AGMO: variants seen among roughly 807,000 people sequenced by gnomAD.
AGMO encodes glyceryl-ether monooxygenase.
Under a neutral mutation model 60.2 loss-of-function variants are expected in AGMO, and 75 were observed. The ratio of observed to expected loss-of-function variants is 1.25; its 90% CI spans 1.03 to 1.51. The LOEUF (loss-of-function observed/expected upper bound fraction) is 1.51. Ranked by LOEUF, AGMO falls within the 40% of genes most tolerant of loss-of-function variation. The pLI is 0.00. For missense variants in AGMO, 763 were observed against 525.5 expected (o/e 1.45, Z -4.42); for synonymous variants, 261 against 177.1 (o/e 1.47, Z -3.76).
chr7:15,345,216 G>C (rs1399765176), intron 12 of AGMO, among the ~76,000 whole-genome samples: 3 of 152,120 alleles, frequency 2.0e-5, no homozygotes, highest in Non-Finnish European at 4.4e-5. Context: ...ATACCCATCA[G>C]TTTCTGATAT....
At chr7:15,241,399 G>A (rs939441171) in intron 12 of AGMO, among the ~76,000 whole-genome samples, 3 of 137,416 alleles carry the variant, frequency 2.2e-5, no homozygotes, top group Non-Finnish European at 4.6e-5. Flanking sequence ...GGCGGAGCTT[G>A]CAGTGAGCCG....
At chr7:15,264,968 A>C (rs2063173262) in intron 12 of AGMO, among the ~76,000 whole-genome samples, 1 of 152,168 alleles carries the variant, frequency 6.6e-6, no homozygotes, top group South Asian at 2.1e-4. Context: ...TCTATCAAGA[A>C]GACACATGCA....
chr7:15,228,967 A>G (rs1479569715), intron 12 of AGMO, among the ~76,000 whole-genome samples: 2 of 152,144 alleles, frequency 1.3e-5, no homozygotes, highest in Non-Finnish European at 2.9e-5. Flanking sequence ...ACAGCTAGAC[A>G]GCTGAGCAGC....
intron 10 of AGMO, among the ~76,000 whole-genome samples, chr7:15,375,561 T>TA (rs574723923): frequency 1.6e-4 from 25 of 152,064 alleles, no homozygotes; most frequent in Admixed American, 5.9e-4. Context: ...CGCACCCAGC[T>TA]AATTTTTGTA....
At chr7:15,511,583 G>C (rs546707286) in intron 3 of AGMO, among the ~76,000 whole-genome samples, 1 of 152,124 alleles carries the variant, frequency 6.6e-6, no homozygotes, top group South Asian at 2.1e-4. Context: ...GGTGACTATA[G>C]ACAAAGTACT....
chr7:15,408,119 C>T (rs1470126323), intron 5 of AGMO, among the ~76,000 whole-genome samples: 1 of 151,808 alleles, frequency 6.6e-6, no homozygotes, highest in Non-Finnish European at 1.5e-5. Context: ...TGTGCAAATA[C>T]AGATAACCCC....
At chr7:15,118,876 A>ATTTTTT in the AGMO span, among the ~76,000 whole-genome samples, 34 of 81,752 alleles carry the variant, frequency 4.2e-4, 3 homozygotes, top group East Asian at 3.8e-3. Context: ...AGACGTCAGT[A>ATTTTTT]TTTTTTTTTT....
At chr7:15,475,971 A>G (rs1282530278) in intron 3 of AGMO, among the ~76,000 whole-genome samples, 1 of 152,114 alleles carries the variant, frequency 6.6e-6, no homozygotes, top group Non-Finnish European at 1.5e-5. Flanking sequence ...ATGACGTAAT[A>G]GAGCATCAGC....
chr7:15,228,204 A>C (rs1228347937), intron 12 of AGMO, among the ~76,000 whole-genome samples: 1 of 152,138 alleles, frequency 6.6e-6, no homozygotes, highest in East Asian at 1.9e-4. Context: ...TAATAGTAGA[A>C]GTCTACTTTG....
intron 12 of AGMO, among the ~76,000 whole-genome samples, chr7:15,362,781 T>C (rs991109063): frequency 2.0e-5 from 3 of 152,210 alleles, no homozygotes; most frequent in African/African-American, 7.2e-5. Context: ...CAAAATTCTT[T>C]TGCAGTTAAA....
intron 2 of AGMO, among the ~76,000 whole-genome samples, chr7:15,559,324 TGTCA>T (rs1292719435): frequency 6.6e-6 from 1 of 152,100 alleles, no homozygotes; most frequent in African/African-American, 2.4e-5. Flanking sequence ...GTAAGCATCA[TGTCA>T]TGTGATAATT....
chr7:15,498,987 G>C (rs995305769), intron 3 of AGMO, among the ~76,000 whole-genome samples: 37 of 151,924 alleles, frequency 2.4e-4, no homozygotes, highest in African/African-American at 8.9e-4. Flanking sequence ...AGATATACAT[G>C]CTGAGAGTAG....
At chr7:15,331,175 A>AG (rs1781489202) in intron 12 of AGMO, among the ~76,000 whole-genome samples, 1 of 152,176 alleles carries the variant, frequency 6.6e-6, no homozygotes, top group Non-Finnish European at 1.5e-5. Context: ...GTCCTACTCT[A>AG]GCCTTTAAAT....
At position 15,450,247 on chromosome 7, in the gene AGMO, C is replaced by T. The variant is rs528197668; in HGVS notation, c.410-19139G>A. Among the ~76,000 whole-genome samples, 3 of 151,914 alleles carry T rather than the reference C, an allele frequency of 2.0e-5. No individual in the cohort carries two copies. The South Asian group carries it at 6.2e-4, about 32-fold the overall frequency. Reference sequence around the variant, plus strand: ...CATCCTGGCTAACACGGTGAAACCCCGTCTCTACTAAAAATACACAAAATT... The same window carrying T: ...CATCCTGGCTAACACGGTGAAACCCTGTCTCTACTAAAAATACACAAAATT... On this transcript the variant is annotated intron_variant, in intron 3 of 12. Coordinates refer to ENST00000342526, the MANE Select transcript of AGMO (RefSeq NM_001004320.2).
intron 5 of AGMO, among the ~76,000 whole-genome samples, chr7:15,401,734 G>A (rs1784557271): frequency 6.6e-6 from 1 of 152,112 alleles, no homozygotes; most frequent in South Asian, 2.1e-4. Context: ...TCTTGTCTGA[G>A]AGGGAAAAAT....
intron 12 of AGMO, among the ~76,000 whole-genome samples, chr7:15,247,455 CACACAGAG>C (rs1315745784): frequency 8.3e-6 from 1 of 120,278 alleles, no homozygotes; most frequent in Non-Finnish European, 1.7e-5. Context: ...CACACACACA[CACACAGAG>C]AGAGAGAGAG....
the AGMO span, among the ~76,000 whole-genome samples, chr7:15,131,611 C>T: frequency 6.6e-6 from 1 of 151,908 alleles, no homozygotes; most frequent in African/African-American, 2.4e-5. Context: ...CAGTGTTCCA[C>T]AAATAGTACA....
intron 3 of AGMO, among the ~76,000 whole-genome samples, chr7:15,506,204 A>G (rs1302368216): frequency 6.6e-6 from 1 of 152,092 alleles, no homozygotes; most frequent in Non-Finnish European, 1.5e-5. Flanking sequence ...TAAAGTTTTC[A>G]TAATTGAGCA....
intron 12 of AGMO, among the ~76,000 whole-genome samples, chr7:15,322,425 C>T (rs1254682586): frequency 1.7e-5 from 2 of 117,748 alleles, no homozygotes; most frequent in Non-Finnish European, 3.5e-5. Context: ...CATATATATA[C>T]CTGTGTGTGT....
Sources: allele counts gnomAD v4.1 joint callset (sites outside exome capture counted in the v4.1 genomes callset), GRCh38; gene constraint gnomAD v4.1.1; transcripts MANE v1.5; gene names NCBI Gene and HGNC (gene_info 2026-07-23, HGNC 2026-07-21).